BMAL2: variants seen among roughly 807,000 people sequenced by gnomAD.
BMAL2 encodes basic helix-loop-helix ARNT-like protein 2.
the BMAL2 span, among the ~76,000 whole-genome samples, chr12:27,384,983 C>T: frequency 1.3e-5 from 2 of 152,086 alleles, no homozygotes; most frequent in Non-Finnish European, 2.9e-5. Context: ...AATTCACAAT[C>T]TAAAAGAAAG....
the BMAL2 span, among the ~76,000 whole-genome samples, chr12:27,382,671 T>C: frequency 6.6e-6 from 1 of 152,178 alleles, no homozygotes; most frequent in Non-Finnish European, 1.5e-5. Flanking sequence ...TTCCAGGGTA[T>C]TGTCACAGCA....
the BMAL2 span, among the ~76,000 whole-genome samples, chr12:27,376,601 C>G: frequency 8.0e-3 from 1,225 of 152,222 alleles, 18 homozygotes; most frequent in African/African-American, 0.028. Flanking sequence ...TTAACTTTCT[C>G]TTAGAATAGC....
the BMAL2 span, among the ~76,000 whole-genome samples, chr12:27,411,570 C>CA: frequency 6.6e-6 from 1 of 152,178 alleles, no homozygotes; most frequent in Non-Finnish European, 1.5e-5. Flanking sequence ...GTGAGCTAGT[C>CA]ATTATCATTT....
the BMAL2 span, chr12:27,420,263 A>G: frequency 3.4e-6 from 4 of 1,166,770 alleles, no homozygotes; most frequent in South Asian, 5.8e-5. Flanking sequence ...CTTTGCCTTC[A>G]AAAATACATT....
the BMAL2 span, among the ~76,000 whole-genome samples, chr12:27,339,341 T>G: frequency 6.6e-6 from 1 of 152,260 alleles, no homozygotes; most frequent in East Asian, 1.9e-4. Flanking sequence ...TTACCACATT[T>G]TCTTTTTCTA....
chr12:27,392,622 T>C, the BMAL2 span, among the ~76,000 whole-genome samples: 6 of 134,140 alleles, frequency 4.5e-5, no homozygotes, highest in African/African-American at 1.1e-4. Context: ...CTCTAATTAA[T>C]CCATCCATAA....
chr12:27,360,803 C>CAAAAAAAAAAAA, the BMAL2 span, among the ~76,000 whole-genome samples: 19 of 46,786 alleles, frequency 4.1e-4, 2 homozygotes, highest in African/African-American at 6.1e-4. Context: ...GTGATTTGTC[C>CAAAAAAAAAAAA]AAAAAAAAAA....
At chr12:27,410,231 A>C in the BMAL2 span, among the ~76,000 whole-genome samples, 38 of 152,320 alleles carry the variant, frequency 2.5e-4, no homozygotes, top group Non-Finnish European at 4.0e-4. Flanking sequence ...TTGACCCAGC[A>C]ATCCCATTAC....
the BMAL2 span, among the ~76,000 whole-genome samples, chr12:27,407,181 C>A: frequency 6.6e-6 from 1 of 152,100 alleles, no homozygotes; most frequent in Admixed American, 6.5e-5. Flanking sequence ...TTAGACAGAT[C>A]AACGAGACAG....
At chr12:27,418,058 C>T in the BMAL2 span, 9 of 1,415,982 alleles carry the variant, frequency 6.4e-6, no homozygotes, top group Non-Finnish European at 8.9e-6. Context: ...GTAGGAACCT[C>T]ACTGTTTGTT....
At chr12:27,352,708 A>C in the BMAL2 span, among the ~76,000 whole-genome samples, 4 of 152,228 alleles carry the variant, frequency 2.6e-5, no homozygotes, top group African/African-American at 7.2e-5. Context: ...AGGCTCTGCT[A>C]AAAGGCTCCT....
chr12:27,381,842 T>G, the BMAL2 span, among the ~76,000 whole-genome samples: 1 of 152,126 alleles, frequency 6.6e-6, no homozygotes, highest in East Asian at 1.9e-4. Context: ...CAAGTTCAGA[T>G]TTGTAAAGAT....
At chr12:27,354,755 A>G in the BMAL2 span, among the ~76,000 whole-genome samples, 894 of 152,294 alleles carry the variant, frequency 5.9e-3, 6 homozygotes, top group African/African-American at 0.02. Flanking sequence ...AAAACAATCC[A>G]AATTCTGACA....
chr12:27,363,266 A>G, the BMAL2 span, among the ~76,000 whole-genome samples: 1 of 152,176 alleles, frequency 6.6e-6, no homozygotes, highest in Non-Finnish European at 1.5e-5. Context: ...TTGTTGTTCA[A>G]TTACAAGCAA....
chr12:27,378,366 A>C, the BMAL2 span, among the ~76,000 whole-genome samples: 2 of 152,348 alleles, frequency 1.3e-5, no homozygotes, highest in African/African-American at 4.8e-5. Context: ...GTGATTAATC[A>C]TGTAGTAGTC....
chr12:27,380,510 G>T, the BMAL2 span: 2 of 1,226,644 alleles, frequency 1.6e-6, no homozygotes, highest in South Asian at 1.4e-5. Flanking sequence ...CTATCCAGAT[G>T]TGTCTTTCAG....
the BMAL2 span, chr12:27,420,776 A>G: frequency 8.5e-6 from 3 of 352,388 alleles, no homozygotes; most frequent in South Asian, 3.9e-4. Flanking sequence ...ACTAGTTGCC[A>G]TATTTTTGCT....
At chr12:27,364,125 C>T in the BMAL2 span, among the ~76,000 whole-genome samples, 1 of 152,176 alleles carries the variant, frequency 6.6e-6, no homozygotes, top group South Asian at 2.1e-4. Context: ...ACGGGACAAA[C>T]TTGTCCTCTC....
the BMAL2 span, among the ~76,000 whole-genome samples, chr12:27,380,606 A>G: frequency 6.6e-6 from 1 of 152,300 alleles, no homozygotes; most frequent in African/African-American, 2.4e-5. Flanking sequence ...GTTCTGATAA[A>G]AGCTTTTTCT....
Sources: gnomAD v4.1 joint callset for allele counts (sites outside exome capture counted in the v4.1 genomes callset) on GRCh38, gnomAD v4.1.1 for gene constraint, MANE v1.5 for transcripts, NCBI Gene and HGNC (gene_info 2026-07-23, HGNC 2026-07-21) for gene names.